The following GNB2 variants were observed in gnomAD, a reference collection of about 807,000 sequenced individuals.
The protein encoded by GNB2 is guanine nucleotide-binding protein G(I)/G(S)/G(T) subunit beta-2.
A neutral mutation model predicts 40.7 loss-of-function variants in GNB2; 7 were observed. The ratio of observed to expected loss-of-function variants is 0.17; its 90% CI spans 0.10 to 0.32. The LOEUF (loss-of-function observed/expected upper bound fraction) is 0.32. Among genes scored for constraint, GNB2 ranks in the 10% least tolerant of loss-of-function variants. GNB2 has a pLI of 1.00. For synonymous variants in GNB2, 254 were observed against 191.2 expected (o/e 1.33, Z -2.71); for missense variants, 286 against 473.0 (o/e 0.60, Z 3.67).
chr7:100,677,481 C>T lies in GNB2; in HGVS notation c.268-17C>T. 1 of 1,613,118 alleles carries T rather than the reference C, an allele frequency of 6.2e-7. No individual in the cohort carries two copies. The highest frequency in any genetic ancestry group is 8.5e-7 in the Non-Finnish European group (1 of 1,179,750). ...GCCCTGGCTGGCTCTGACCCCGGCG[C>T]TTCCCCTGCTCCGCAGGTCCACGCC... On this transcript the variant is annotated splice_polypyrimidine_tract_variant and intron_variant, in intron 5 of 9. Transcript: ENST00000303210.
chr7:100,678,060 T>G (rs747822004), intron 7 of GNB2, 38 bp from the exon 8 acceptor site: 1 of 1,519,932 alleles, frequency 6.6e-7, no homozygotes, highest in Admixed American at 1.7e-5. Flanking sequence ...TTCTTCGCCC[T>G]GTCTCTTATC....
Position 100,678,973 on chromosome 7 carries a change from A to G in GNB2, c.*172A>G. ...TCCCGGGGCCCCCACTGTGGAGATA[A>G]GAAGGGGATGGAATGGGGGAAGAGG... On this transcript the variant is annotated 3_prime_UTR_variant, in exon 10 of 10. Transcript: ENST00000303210. 2 of 597,942 alleles carry G rather than the reference A, an allele frequency of 3.3e-6. No homozygotes were observed. Among genetic ancestry groups the G allele is most frequent in the South Asian group, 4.1e-5 (2 of 49,074 alleles). 37.0% of individuals were successfully genotyped at this position (597,942 alleles called of 1,614,324 possible).
At chr7:100,677,477 G>T in intron 5 of GNB2, 21 bp from the exon 6 acceptor site, 2 of 1,613,038 alleles carry the variant, frequency 1.2e-6, no homozygotes, top group Non-Finnish European at 1.7e-6. Context: ...CTCTGACCCC[G>T]GCGCTTCCCC....
intron 1 of GNB2, among the ~76,000 whole-genome samples, chr7:100,674,376 CCCTT>C (rs1562856764): frequency 6.6e-6 from 1 of 152,160 alleles, no homozygotes; most frequent in African/African-American, 2.4e-5. Context: ...CCGCGCGCCA[CCCTT>C]CCTTTCGTCT....
intron 8 of GNB2, 29 bp from the exon 9 acceptor site, chr7:100,678,369 T>TCACCCC (rs1562858731): frequency 3.7e-6 from 6 of 1,606,314 alleles, no homozygotes; most frequent in Admixed American, 1.7e-5. Context: ...ACCCTCACCC[T>TCACCCC]CACCCCATCT....
chr7:100,677,934 C>A (rs1804391111), intron 7 of GNB2, 116 bp downstream of exon 7: 2 of 1,052,826 alleles, frequency 1.9e-6, no homozygotes, highest in African/African-American at 3.1e-5. Flanking sequence ...CTGGTGGGCG[C>A]TAAGGGGGTC....
rs781337161 is a variant in GNB2, at chr7:100,678,622, C to G, written c.916+8C>G. The G allele has an allele frequency of 6.2e-7, 1 of 1,611,812 alleles. No homozygotes were observed. The highest frequency in any genetic ancestry group is 8.5e-7 in the Non-Finnish European group (1 of 1,178,222). ...TGAAGGGCGACCGTGCAGGTGACAG[C>G]TGGGGCCCAGGCTGGGTGGGCAGGG... On this transcript the variant is annotated splice_region_variant and intron_variant, in intron 9 of 9. Coordinates refer to ENST00000303210, the MANE Select transcript of GNB2 (RefSeq NM_005273.4).
In GNB2 at chr7:100,678,814, C is replaced by G. The variant is rs768124037; in HGVS notation, c.*13C>G. 2.5e-6 allele frequency: 4 copies of G among 1,578,414 alleles called. No homozygotes were observed. In the African/African-American group the frequency reaches 4.0e-5, roughly 16 times the overall value. ...GATCTGGAACTAATGGCCCCACCCCCACTGGGCCCAGGCCAGGAGGGGCCC... is the reference window on the plus strand; with the variant it reads ...GATCTGGAACTAATGGCCCCACCCCGACTGGGCCCAGGCCAGGAGGGGCCC... On this transcript the variant is annotated 3_prime_UTR_variant, in exon 10 of 10. Coordinates refer to ENST00000303210, the MANE Select transcript of GNB2 (RefSeq NM_005273.4).
In GNB2 at chr7:100,677,728, C is replaced by T. The variant is rs772490389; in HGVS notation, c.431-24C>T. 6.2e-6 allele frequency: 10 copies of T among 1,613,464 alleles called. No homozygotes were observed. In the South Asian group the frequency reaches 6.6e-5, roughly 11 times the overall value. The stretch of plus-strand genomic sequence containing the variant: ...GGTGCACTGCCCTCCGTGTGGAGAC[C>T]TGGCTGACCAGCTCCTTCCCCAGGG... On this transcript the variant is annotated intron_variant, in intron 6 of 9. Transcript: ENST00000303210.
chr7:100,674,434 C>T (rs1222672156), intron 1 of GNB2, among the ~76,000 whole-genome samples: 1 of 152,136 alleles, frequency 6.6e-6, no homozygotes, highest in Non-Finnish European at 1.5e-5. Context: ...TTTCTGGCCC[C>T]ACTCGCCGAA....
In GNB2 at chr7:100,678,224, C is replaced by T. The variant is rs923325507; in HGVS notation, c.624C>T (p.Ile208=). 2.5e-6 allele frequency: 4 copies of T among 1,613,954 alleles called. No individual in the cohort carries two copies. The African/African-American group carries it at 4.0e-5, about 16-fold the overall frequency. The change falls in exon 8 of 10, where the codon ATC becomes ATT. Residue 208 remains isoleucine (I), a synonymous_variant. Transcript: ENST00000303210. The stretch of plus-strand genomic sequence containing the variant: ...TGTCAGGCGCCTGTGATGCCTCTAT[C>T]AAGCTGTGGGACGTGCGGGATTCCA... The part of the protein sequence containing the change: ...TFVSGACDAS[I]KLWDVRDSMC...
intron 2 of GNB2, 66 bp downstream of exon 2, chr7:100,676,388 T>C (rs940167788): frequency 2.6e-5 from 37 of 1,423,416 alleles, no homozygotes; most frequent in Non-Finnish European, 3.5e-5. Context: ...CCGGGTTGGG[T>C]GAGGGTGTTG....
At chr7:100,675,005 C>T (rs1364168588) in intron 1 of GNB2, among the ~76,000 whole-genome samples, 1 of 152,118 alleles carries the variant, frequency 6.6e-6, no homozygotes, top group Non-Finnish European at 1.5e-5. Context: ...GGAAGAGGAA[C>T]GCCCTGCGCC....
intron 1 of GNB2, chr7:100,675,145 G>C (rs1804321739): frequency 6.6e-6 from 1 of 150,732 alleles, no homozygotes; most frequent in Non-Finnish European, 1.5e-5. Flanking sequence ...GGGCCCCTGG[G>C]GCCCGGGCGC....
rs763926763 is a variant in GNB2 at position 100,676,581 on chromosome 7, C to A, written c.96+8C>A. On this transcript the variant is annotated splice_region_variant and intron_variant, in intron 3 of 9. Transcript: ENST00000303210. ...GACTCAACACTGACCCAGGTGAGGG[C>A]ACTTGGTGGCCAGAGCGTAACTAGG... 7 of 1,607,512 alleles carry A rather than the reference C, an allele frequency of 4.4e-6. No homozygotes were observed. Among genetic ancestry groups the A allele is most frequent in the Non-Finnish European group, 6.0e-6 (7 of 1,173,934 alleles).
chr7:100,677,494 G>A lies in GNB2; in HGVS notation c.268-4G>A, dbSNP rs771396953. Reference sequence around the variant, plus strand: ...CTGACCCCGGCGCTTCCCCTGCTCCGCAGGTCCACGCCATCCCGCTGCGCT... The same window carrying A: ...CTGACCCCGGCGCTTCCCCTGCTCCACAGGTCCACGCCATCCCGCTGCGCT... On this transcript the variant is annotated splice_polypyrimidine_tract_variant and splice_region_variant and intron_variant, in intron 5 of 9. Coordinates refer to ENST00000303210, the MANE Select transcript of GNB2 (RefSeq NM_005273.4). 42 of 1,613,110 alleles carry A rather than the reference G, an allele frequency of 2.6e-5. No homozygotes were observed. The highest frequency in any genetic ancestry group is 2.0e-4 in the African/African-American group (15 of 74,936).
chr7:100,676,251 C>T lies in GNB2; in HGVS notation c.-15C>T. On this transcript the variant is annotated 5_prime_UTR_variant, in exon 2 of 10. Transcript: ENST00000303210. ...CCCCCAGCCGCCCCCAACCCTGCCC[C>T]ACGGGCCCGGCGCCATGAGTGAGCT... 6.3e-7 allele frequency: 1 copy of T among 1,589,196 alleles called. No homozygotes were observed. The highest frequency in any genetic ancestry group is 8.6e-7 in the Non-Finnish European group (1 of 1,167,058).
At chr7:100,678,008 G>C (rs1284844619) in intron 7 of GNB2, 90 bp from the exon 8 acceptor site, 1 of 1,187,864 alleles carries the variant, frequency 8.4e-7, no homozygotes, top group Non-Finnish European at 1.2e-6. Context: ...CCCTTCCACA[G>C]GGTTGGGCTC....
At chr7:100,677,979 T>G (rs901950649) in intron 7 of GNB2, 119 bp from the exon 8 acceptor site, 4 of 1,046,390 alleles carry the variant, frequency 3.8e-6, no homozygotes, top group Non-Finnish European at 5.8e-6. Flanking sequence ...CCTAAGGCTC[T>G]GAGAAGAGCC....
Sources: allele counts gnomAD v4.1 joint callset (sites outside exome capture counted in the v4.1 genomes callset), GRCh38; gene constraint gnomAD v4.1.1; transcripts MANE v1.5; gene names NCBI Gene and HGNC (gene_info 2026-07-23, HGNC 2026-07-21).